WDR72: variants seen among roughly 807,000 people sequenced by gnomAD.
WDR72 encodes the protein WD repeat-containing protein 72.
Under a neutral mutation model 124.2 loss-of-function variants are expected in WDR72, and 120 were observed. The observed-to-expected ratio is 0.97, with a 90% confidence interval of 0.83 to 1.12. The LOEUF (loss-of-function observed/expected upper bound fraction) is 1.12. Among genes scored for constraint, WDR72 ranks in the 50% most tolerant of loss-of-function variants. The pLI, the probability that WDR72 is intolerant of heterozygous loss-of-function variation, is 0.00. For missense variants in WDR72, 1,387 were observed against 1,278.8 expected (o/e 1.08, Z -1.29); for synonymous variants, 452 against 441.7 (o/e 1.02, Z -0.29).
intron 18 of WDR72, among the ~76,000 whole-genome samples, chr15:53,533,825 G>C (rs1202969556): frequency 2.6e-5 from 4 of 152,066 alleles, no homozygotes; most frequent in Non-Finnish European, 5.9e-5. Context: ...ACTTTTTATT[G>C]AAGACTTAGC....
intron 14 of WDR72, among the ~76,000 whole-genome samples, chr15:53,617,614 G>C (rs2013821636): frequency 6.6e-6 from 1 of 151,524 alleles, no homozygotes; most frequent in Admixed American, 6.6e-5. Context: ...ATAAGAAGAG[G>C]CTCTTACAGA....
chr15:53,518,035 A>ATT (rs144036204), intron 19 of WDR72, among the ~76,000 whole-genome samples: 2 of 151,108 alleles, frequency 1.3e-5, no homozygotes, highest in African/African-American at 4.9e-5. Flanking sequence ...TAGCTTGGGG[A>ATT]TTTTTTTTTA....
At chr15:53,641,615 T>C (rs1023149837) in intron 14 of WDR72, among the ~76,000 whole-genome samples, 1 of 152,004 alleles carries the variant, frequency 6.6e-6, no homozygotes, top group African/African-American at 2.4e-5. Flanking sequence ...TCTCTGGGAC[T>C]ATATCATTTT....
At chr15:53,562,249 T>A (rs1266326941) in intron 18 of WDR72, among the ~76,000 whole-genome samples, 1 of 151,838 alleles carries the variant, frequency 6.6e-6, no homozygotes, top group East Asian at 1.9e-4. Context: ...TAAATCCTTG[T>A]TACTACTTTG....
Position 53,587,385 on chromosome 15 carries a change from A to C in WDR72, c.3148+9694T>G, listed in dbSNP as rs565857078. On this transcript the variant is annotated intron_variant, in intron 18 of 19. Coordinates refer to ENST00000360509, the MANE Select transcript of WDR72 (RefSeq NM_182758.4). ...TTTAGATACCCACATCACTGACAGA[A>C]TCACCACACACACAGATATATGCAT... Among the ~76,000 whole-genome samples, 108 of 152,122 alleles carry C rather than the reference A, an allele frequency of 7.1e-4. 5 individuals carry two copies. The South Asian group carries it at 0.021, about 30-fold the overall frequency.
chr15:53,550,004 A>G (rs967519572), intron 18 of WDR72, among the ~76,000 whole-genome samples: 1 of 152,196 alleles, frequency 6.6e-6, no homozygotes, highest in Non-Finnish European at 1.5e-5. Context: ...CTTTCATAAT[A>G]TAAGCTCCAG....
chr15:53,733,437 C>A (rs1011340408), intron 1 of WDR72, among the ~76,000 whole-genome samples: 1 of 152,018 alleles, frequency 6.6e-6, no homozygotes, highest in South Asian at 2.1e-4. Context: ...CACTTCACAC[C>A]CAGCTCTTCC....
intron 1 of WDR72, 142 bp from the exon 2 acceptor site, chr15:53,733,303 A>C: frequency 1.2e-6 from 1 of 862,960 alleles, no homozygotes; most frequent in South Asian, 1.5e-5. Context: ...TTTCCCCGTC[A>C]ATTAGAAGAG....
chr15:53,696,071 A>G (rs1222750808), intron 13 of WDR72, among the ~76,000 whole-genome samples: 1 of 150,792 alleles, frequency 6.6e-6, no homozygotes, highest in Non-Finnish European at 1.5e-5. Context: ...CTCTTCTCCC[A>G]CTAACACCTC....
intron 2 of WDR72, among the ~76,000 whole-genome samples, chr15:53,726,275 TATATATATATAC>T (rs1414834240): frequency 4.1e-5 from 5 of 120,904 alleles, no homozygotes; most frequent in African/African-American, 2.0e-4. Context: ...TATATATATA[TATATATATATAC>T]ACACACACAC....
At chr15:53,622,678 C>T (rs1198417430) in intron 14 of WDR72, among the ~76,000 whole-genome samples, 1 of 151,992 alleles carries the variant, frequency 6.6e-6, no homozygotes, top group East Asian at 1.9e-4. Flanking sequence ...TGCATGCTGG[C>T]CTTAATACCT....
At chr15:53,598,133 G>T (rs966652620) in intron 17 of WDR72, among the ~76,000 whole-genome samples, 2 of 152,114 alleles carry the variant, frequency 1.3e-5, no homozygotes, top group African/African-American at 4.8e-5. Flanking sequence ...GCTGAATTAG[G>T]GAGAGAAAAG....
intron 13 of WDR72, among the ~76,000 whole-genome samples, chr15:53,678,144 T>C (rs552260342): frequency 1.3e-5 from 2 of 152,320 alleles, no homozygotes; most frequent in African/African-American, 2.4e-5. Context: ...AGAACTTTAT[T>C]GGCAAGACAA....
chr15:53,605,010 AT>A (rs1368588811), intron 17 of WDR72, among the ~76,000 whole-genome samples: 1 of 152,246 alleles, frequency 6.6e-6, no homozygotes, highest in Non-Finnish European at 1.5e-5. Flanking sequence ...AGGAATATAA[AT>A]CATTCTATTA....
At chr15:53,720,568 G>C (rs1378888110) in intron 3 of WDR72, among the ~76,000 whole-genome samples, 3 of 152,090 alleles carry the variant, frequency 2.0e-5, no homozygotes. Flanking sequence ...TTATTATTTT[G>C]CCCCAATTTT....
At chr15:53,668,047 C>T (rs914584718) in intron 13 of WDR72, among the ~76,000 whole-genome samples, 2 of 152,100 alleles carry the variant, frequency 1.3e-5, no homozygotes, top group Non-Finnish European at 2.9e-5. Context: ...CAGTCCAGGT[C>T]CCTGGGAGCT....
chr15:53,704,531 GT>G (rs948383016), intron 11 of WDR72, among the ~76,000 whole-genome samples: 1 of 150,150 alleles, frequency 6.7e-6, no homozygotes, highest in East Asian at 2.0e-4. Flanking sequence ...TTTGGTTTTG[GT>G]TTTTTTTGAG....
intron 14 of WDR72, among the ~76,000 whole-genome samples, chr15:53,658,054 C>T (rs894039749): frequency 6.6e-6 from 1 of 152,162 alleles, no homozygotes; most frequent in Non-Finnish European, 1.5e-5. Flanking sequence ...TTTTTCAAAT[C>T]CTGCTCAGTA....
intron 18 of WDR72, among the ~76,000 whole-genome samples, chr15:53,567,148 G>A (rs560584191): frequency 3.3e-5 from 5 of 152,082 alleles, no homozygotes; most frequent in Admixed American, 2.6e-4. Flanking sequence ...AGAGGGCTAC[G>A]CAAAGGTTTA....
Sources: allele counts gnomAD v4.1 joint callset (sites outside exome capture counted in the v4.1 genomes callset), GRCh38; gene constraint gnomAD v4.1.1; transcripts MANE v1.5; gene names NCBI Gene and HGNC (gene_info 2026-07-23, HGNC 2026-07-21).